Variants in CSNK1A1 observed in about 807,000 individuals in gnomAD.
CSNK1A1 encodes casein kinase I isoform alpha.
In CSNK1A1, 7 loss-of-function variants were observed where a neutral mutation model predicts 46.1. The ratio of observed to expected loss-of-function variants is 0.15; its 90% confidence interval spans 0.09 to 0.29. The LOEUF (loss-of-function observed/expected upper bound fraction) is 0.29. Ranked by LOEUF, CSNK1A1 falls within the 10% of genes least tolerant of loss-of-function variation. The pLI is 1.00. For missense variants in CSNK1A1, 96 were observed against 417.1 expected (o/e 0.23, Z 6.71); for synonymous variants, 137 against 141.5 (o/e 0.97, Z 0.23).
At chr5:149,503,081 TAAAG>T (rs1429848541) in intron 9 of CSNK1A1, 13 of 985,436 alleles carry the variant, frequency 1.3e-5, no homozygotes, top group East Asian at 1.1e-4. Flanking sequence ...ATTCCTTAAA[TAAAG>T]AACCACTATA....
Position 149,534,355 on chromosome 5 carries a change from G to A in CSNK1A1, c.231-9184C>T, listed in dbSNP as rs149592555. On this transcript the variant is annotated intron_variant, in intron 2 of 9. Transcript: ENST00000377843. ...AAATTAGCTGGGCGTGGTGGCGCAC[G>A]CCTGTAGTCCCAGCTACTCTCGGGA... is the stretch of plus-strand genomic sequence containing the variant. 3.4e-3 allele frequency among the ~76,000 whole-genome samples: 514 copies of A among 151,804 alleles called. 4 individuals are homozygous for A. Among genetic ancestry groups the A allele is most frequent in the African/African-American group, 0.012 (488 of 41,402 alleles).
At chr5:149,503,172 T>C (rs1760926448) in intron 9 of CSNK1A1, 2 of 985,446 alleles carry the variant, frequency 2.0e-6, no homozygotes, top group Non-Finnish European at 1.2e-6. Context: ...AGAGCAATTG[T>C]TTTCAAACTC....
At chr5:149,528,451 C>T (rs1761787758) in intron 2 of CSNK1A1, among the ~76,000 whole-genome samples, 1 of 152,152 alleles carries the variant, frequency 6.6e-6, no homozygotes, top group African/African-American at 2.4e-5. Context: ...AAAGCTAGAA[C>T]GTCACACCCT....
Position 149,508,769 on chromosome 5 carries a change from T to A in CSNK1A1, c.750+1110A>T, listed in dbSNP as rs147189399. 4.2e-3 allele frequency among the ~76,000 whole-genome samples: 637 copies of A among 152,348 alleles called. 5 individuals carry two copies. The highest frequency in any genetic ancestry group is 0.015 in the African/African-American group (608 of 41,572). The stretch of plus-strand genomic sequence containing the variant: ...TTAGGGTAAGGAGAATATTTCTTAC[T>A]TTTTCTTATAGATTAATGAGGTTCT... On this transcript the variant is annotated intron_variant, in intron 7 of 9. Coordinates refer to ENST00000377843, the MANE Select transcript of CSNK1A1 (RefSeq NM_001892.6).
intron 4 of CSNK1A1, among the ~76,000 whole-genome samples, chr5:149,513,491 A>G (rs1237563418): frequency 6.6e-6 from 1 of 152,226 alleles, no homozygotes; most frequent in Non-Finnish European, 1.5e-5. Context: ...GTCTTTATAA[A>G]GAAAGAAATG....
Position 149,549,305 on chromosome 5 carries a change from C to G in CSNK1A1, c.230+770G>C. The G allele has an allele frequency of 8.5e-6, 5 of 585,178 alleles. No individual in the cohort carries two copies. In the Admixed American group the frequency reaches 1.2e-4, roughly 14 times the overall value. The allele number at this position is 585,178 out of a possible 1,614,324, so 36.2% of individuals were successfully genotyped here. A position where few individuals can be genotyped will look rare whatever the true frequency, so the allele number is the denominator to read the frequency against. ...CAAATTTAGTCCCGACTGAAACGTG[C>G]CAAATATGACCATTCACGAAAAGAA... is the stretch of plus-strand genomic sequence containing the variant. On this transcript the variant is annotated intron_variant, in intron 2 of 9. Coordinates refer to ENST00000377843, the MANE Select transcript of CSNK1A1 (RefSeq NM_001892.6).
chr5:149,498,683 A>G (rs1298207244), intron 9 of CSNK1A1: 115 of 985,258 alleles, frequency 1.2e-4, no homozygotes, highest in Non-Finnish European at 1.3e-4. Flanking sequence ...TAAAAAACGT[A>G]TTTTCACAAC....
At position 149,517,134 on chromosome 5, in the gene CSNK1A1, A is replaced by G. The variant is rs1412768477; in HGVS notation, c.456+3156T>C. 1.3e-5 allele frequency among the ~76,000 whole-genome samples: 2 copies of G among 152,228 alleles called. No individual in the cohort carries two copies. Among genetic ancestry groups the G allele is most frequent in the Non-Finnish European group, 2.9e-5 (2 of 68,026 alleles). ...CAGCCTGCCAAAAACTAAATTTAATATATTTCAATGTATTACTAATGGTAA... is the reference window on the plus strand; with the variant it reads ...CAGCCTGCCAAAAACTAAATTTAATGTATTTCAATGTATTACTAATGGTAA... On this transcript the variant is annotated intron_variant, in intron 4 of 9. Transcript: ENST00000377843. The surrounding 1 kb of genome is among the most constrained non-coding windows in gnomAD (Gnocchi z 4.4).
rs1760724157 is a variant in CSNK1A1 at position 149,498,400 on chromosome 5, T to C, written c.1007-1540A>G. On this transcript the variant is annotated intron_variant, in intron 9 of 9. Transcript: ENST00000377843. ...ATTTGATGCATGTTATTAAGAAGTA[T>C]TAGCGAGGTAAACCTTTCTTTTAAA... The C allele has an allele frequency of 3.0e-6, 3 of 985,272 alleles. No individual in the cohort carries two copies. The African/African-American group carries it at 5.2e-5, about 17-fold the overall frequency. 61.0% of individuals were successfully genotyped at this position (985,272 alleles called of 1,614,324 possible). A position where few individuals can be genotyped will look rare whatever the true frequency, so the allele number is the denominator to read the frequency against.
At chr5:149,526,893 A>G (rs73798236) in intron 2 of CSNK1A1, among the ~76,000 whole-genome samples, 2,641 of 152,282 alleles carry the variant, frequency 0.017, 87 homozygotes, top group African/African-American at 0.06. Context: ...AGAGATCCTA[A>G]GAGGATTATA....
intron 2 of CSNK1A1, among the ~76,000 whole-genome samples, chr5:149,532,581 T>C (rs964625862): frequency 6.6e-6 from 1 of 151,708 alleles, no homozygotes; most frequent in African/African-American, 2.4e-5. Flanking sequence ...TAATCCCAGC[T>C]ACTCAGGAGG....
intron 2 of CSNK1A1, among the ~76,000 whole-genome samples, chr5:149,543,593 T>C (rs1207839615): frequency 1.3e-5 from 2 of 152,172 alleles, no homozygotes; most frequent in Non-Finnish European, 2.9e-5. Flanking sequence ...CATTATGTTA[T>C]TCACAGGATA....
At chr5:149,537,494 C>T (rs1165114447) in intron 2 of CSNK1A1, among the ~76,000 whole-genome samples, 1 of 152,120 alleles carries the variant, frequency 6.6e-6, no homozygotes, top group Non-Finnish European at 1.5e-5. Context: ...CCCTCAACAG[C>T]TTGATACAAT....
In CSNK1A1 at chr5:149,509,961, AAAG is replaced by A. The variant is rs546070819; in HGVS notation, c.676-11_676-9del. Reference sequence around the variant, plus strand: ...TTGTTTCTTTGTTGCAGCCTGTGGAAAAGAATAAAATAAAAAAGATATACTCAG... The same window carrying A: ...TTGTTTCTTTGTTGCAGCCTGTGGAAAATAAAATAAAAAAGATATACTCAG... On this transcript the variant is annotated splice_polypyrimidine_tract_variant and intron_variant, in intron 6 of 9. Coordinates refer to ENST00000377843, the MANE Select transcript of CSNK1A1 (RefSeq NM_001892.6). 3.1e-3 allele frequency: 4,916 copies of A among 1,585,022 alleles called. 11 individuals are homozygous for A. The highest frequency in any genetic ancestry group is 5.5e-3 in the South Asian group (483 of 88,482).
At chr5:149,531,874 C>G (rs961836954) in intron 2 of CSNK1A1, among the ~76,000 whole-genome samples, 1 of 150,802 alleles carries the variant, frequency 6.6e-6, no homozygotes, top group Non-Finnish European at 1.5e-5. Context: ...TAGTAATATA[C>G]ATACTCTCCT....
chr5:149,524,821 C>A (rs1298817716), intron 3 of CSNK1A1, among the ~76,000 whole-genome samples: 1 of 152,128 alleles, frequency 6.6e-6, no homozygotes, highest in Non-Finnish European at 1.5e-5. Flanking sequence ...TCTGAAGGAG[C>A]AGATTGAAAA....
At chr5:149,548,596 C>T (rs1174444202) in intron 2 of CSNK1A1, among the ~76,000 whole-genome samples, 1 of 151,712 alleles carries the variant, frequency 6.6e-6, no homozygotes, top group Non-Finnish European at 1.5e-5. Context: ...CACAGTGGCT[C>T]ATGCCTGTAA....
chr5:149,534,416 G>A (rs535768809), intron 2 of CSNK1A1, among the ~76,000 whole-genome samples: 4 of 149,542 alleles, frequency 2.7e-5, no homozygotes, highest in Admixed American at 2.0e-4. Context: ...CCCGGGAGGC[G>A]GGGGTTGCAG....
chr5:149,511,797 T>C lies in CSNK1A1; in HGVS notation c.672A>G (p.Leu224=). The C allele has an allele frequency of 6.2e-7, 1 of 1,601,080 alleles. No homozygotes were observed. Among genetic ancestry groups the C allele is most frequent in the Non-Finnish European group, 8.5e-7 (1 of 1,171,002 alleles). ...TGATAATGTGAGTCTGGTTTACCTTTAGCCCTTGCCATGGCAGGCTGGTTC... is the reference window on the plus strand; with the variant it reads ...TGATAATGTGAGTCTGGTTTACCTTCAGCCCTTGCCATGGCAGGCTGGTTC... ...FNRTSLPWQG[L]KAATKKQKYE... is the part of the protein sequence containing the mutation. Residue 224 remains leucine (L), a synonymous_variant, in exon 6 of 10, where the codon CTA becomes CTG. Coordinates refer to ENST00000377843, the MANE Select transcript of CSNK1A1 (RefSeq NM_001892.6).
Sources: allele counts gnomAD v4.1 joint callset (sites outside exome capture counted in the v4.1 genomes callset), GRCh38; gene constraint gnomAD v4.1.1; non-coding constraint Gnocchi (gnomAD v3.1); transcripts MANE v1.5; gene names NCBI Gene and HGNC (gene_info 2026-07-23, HGNC 2026-07-21).